MDGA2: variants seen among roughly 807,000 people sequenced by gnomAD.
The protein encoded by MDGA2 is MAM domain-containing glycosylphosphatidylinositol anchor protein 2.
Under a neutral mutation model 117.8 loss-of-function variants are expected in MDGA2, and 40 were observed. The ratio of observed to expected loss-of-function variants is 0.34; its 90% CI spans 0.26 to 0.44. The LOEUF (loss-of-function observed/expected upper bound fraction) is 0.44, where lower values mean the gene tolerates loss of function less well. Among genes scored for constraint, MDGA2 ranks in the 20% least tolerant of loss-of-function variants. The probability of loss-of-function intolerance (pLI) is 1.00; values close to 1 mark genes in which losing one functional copy is unlikely to be tolerated. For synonymous variants in MDGA2, 452 were observed against 439.0 expected (o/e 1.03, Z -0.37); for missense variants, 1,123 against 1,250.6 (o/e 0.90, Z 1.54).
At chr14:47,105,253 C>G (rs1473107072) in intron 5 of MDGA2, among the ~76,000 whole-genome samples, 3 of 152,124 alleles carry the variant, frequency 2.0e-5, no homozygotes, top group African/African-American at 7.2e-5. Context: ...TTTCCGCACC[C>G]CAACCTCTTA....
At chr14:47,307,343 C>A (rs1434280921) in intron 1 of MDGA2, among the ~76,000 whole-genome samples, 1 of 152,162 alleles carries the variant, frequency 6.6e-6, no homozygotes, top group Non-Finnish European at 1.5e-5. Context: ...CATTGCCTAA[C>A]ATCTTCCTCA....
chr14:46,846,551 A>T (rs1880848342), intron 15 of MDGA2, among the ~76,000 whole-genome samples: 1 of 152,152 alleles, frequency 6.6e-6, no homozygotes, highest in Non-Finnish European at 1.5e-5. Flanking sequence ...GGCTCAGTGC[A>T]TGAATATTGA....
At chr14:47,020,526 T>G (rs1679804443) in intron 8 of MDGA2, among the ~76,000 whole-genome samples, 1 of 152,106 alleles carries the variant, frequency 6.6e-6, no homozygotes, top group African/African-American at 2.4e-5. Context: ...AGGCTCAAAT[T>G]ACAATCCCCT....
intron 9 of MDGA2, among the ~76,000 whole-genome samples, chr14:46,951,743 C>T (rs1015671325): frequency 1.3e-5 from 2 of 151,918 alleles, no homozygotes; most frequent in Non-Finnish European, 2.9e-5. Flanking sequence ...GATAAGAACA[C>T]AGCCCAACCA....
At chr14:47,102,184 C>T (rs1041418753) in intron 5 of MDGA2, among the ~76,000 whole-genome samples, 1 of 151,980 alleles carries the variant, frequency 6.6e-6, no homozygotes. Flanking sequence ...GAAAAAGGAA[C>T]CCAGCTTTCC....
chr14:46,898,230 C>T (rs1304303240), intron 10 of MDGA2, among the ~76,000 whole-genome samples: 7 of 151,832 alleles, frequency 4.6e-5, no homozygotes, highest in Non-Finnish European at 8.8e-5. Context: ...ATTTGGAGAA[C>T]GAGAGTTTAT....
chr14:47,298,678 T>G (rs2139802709), intron 2 of MDGA2, among the ~76,000 whole-genome samples: 1 of 112,990 alleles, frequency 8.9e-6, no homozygotes, highest in Non-Finnish European at 1.9e-5. Flanking sequence ...GCCCACTTAA[T>G]TTTTCTTTTT....
intron 1 of MDGA2, among the ~76,000 whole-genome samples, chr14:47,493,987 G>T (rs1445948739): frequency 6.6e-6 from 1 of 152,108 alleles, no homozygotes; most frequent in Non-Finnish European, 1.5e-5. Flanking sequence ...TAGGTCATAA[G>T]GTTGGTTCCC....
rs190634805 is a variant in MDGA2 at position 47,475,041 on chromosome 14, C to A, written c.281-173491G>T. On this transcript the variant is annotated intron_variant, in intron 1 of 16. Transcript: ENST00000399232. ...AAAAAGAAACTATCAACAGAGTAAA[C>A]AGATGACCTACAGAATGGGAGAAAA... 1.1e-4 allele frequency among the ~76,000 whole-genome samples: 17 copies of A among 152,192 alleles called. No individual in the cohort carries two copies. In the East Asian group the frequency reaches 2.9e-3, roughly 26 times the overall value.
chr14:46,976,349 T>C (rs988741128), intron 8 of MDGA2, among the ~76,000 whole-genome samples: 1 of 151,910 alleles, frequency 6.6e-6, no homozygotes, highest in South Asian at 2.1e-4. Context: ...GTTACAGAAA[T>C]TGAACCAACA....
At chr14:46,895,221 G>C (rs1883028810) in intron 10 of MDGA2, among the ~76,000 whole-genome samples, 1 of 152,176 alleles carries the variant, frequency 6.6e-6, no homozygotes, top group Admixed American at 6.5e-5. Flanking sequence ...CAGGGGGGCA[G>C]TTACCCCCAT....
chr14:47,309,286 A>T (rs1889559167), intron 1 of MDGA2, among the ~76,000 whole-genome samples: 1 of 152,162 alleles, frequency 6.6e-6, no homozygotes, highest in Non-Finnish European at 1.5e-5. Flanking sequence ...ACATCAATGT[A>T]AACTTATTTC....
At chr14:47,313,369 C>T (rs1462748276) in intron 1 of MDGA2, among the ~76,000 whole-genome samples, 1 of 152,092 alleles carries the variant, frequency 6.6e-6, no homozygotes, top group Admixed American at 6.5e-5. Flanking sequence ...ACCTCCCAGG[C>T]TCAAGCAATC....
At position 47,139,047 on chromosome 14, in the gene MDGA2, G is replaced by T. The variant is rs543794832; in HGVS notation, c.792+5031C>A. Among the ~76,000 whole-genome samples the T allele has an allele frequency of 2.0e-5, 3 of 150,614 alleles. 1 individual carries two copies. In the South Asian group the frequency reaches 6.3e-4, roughly 32 times the overall value. ...TATAGTTATTAACATATAATGAATG[G>T]GTATACAAAATAGATATATCTCATC... On this transcript the variant is annotated intron_variant, in intron 4 of 16. Transcript: ENST00000399232.
intron 1 of MDGA2, among the ~76,000 whole-genome samples, chr14:47,594,448 A>G (rs1310834030): frequency 1.3e-5 from 2 of 152,196 alleles, no homozygotes; most frequent in African/African-American, 4.8e-5. Context: ...TCATGTACAG[A>G]TTTCTCTGAA....
At chr14:46,876,899 A>G in intron 12 of MDGA2, among the ~76,000 whole-genome samples, 1 of 151,644 alleles carries the variant, frequency 6.6e-6, no homozygotes, top group Admixed American at 6.6e-5. Context: ...AAGTTTTCAT[A>G]TATGGGAATA....
chr14:46,943,189 A>G (rs1399329419), intron 9 of MDGA2, among the ~76,000 whole-genome samples: 1 of 152,022 alleles, frequency 6.6e-6, no homozygotes, highest in Non-Finnish European at 1.5e-5. Context: ...TTTTTCTGGT[A>G]ATAGTACAGC....
intron 1 of MDGA2, among the ~76,000 whole-genome samples, chr14:47,401,061 T>A (rs1193873305): frequency 1.3e-5 from 2 of 149,138 alleles, no homozygotes; most frequent in African/African-American, 4.9e-5. Flanking sequence ...CCGGCCGGCA[T>A]TTTTTTTTTC....
At chr14:46,950,537 A>G (rs1336831531) in intron 9 of MDGA2, among the ~76,000 whole-genome samples, 1 of 152,018 alleles carries the variant, frequency 6.6e-6, no homozygotes, top group East Asian at 1.9e-4. Context: ...GCTGGCTAAA[A>G]TACTGGGATC....
Sources: allele counts gnomAD v4.1 joint callset (sites outside exome capture counted in the v4.1 genomes callset), GRCh38; gene constraint gnomAD v4.1.1; transcripts MANE v1.5; gene names NCBI Gene and HGNC (gene_info 2026-07-23, HGNC 2026-07-21).